CHD7: variants seen among roughly 807,000 people sequenced by gnomAD.
The protein encoded by CHD7 is ATP-dependent chromatin remodeler CHD7.
A neutral mutation model predicts 307.3 loss-of-function variants in CHD7; 24 were observed. That is an observed-to-expected ratio of 0.08 (90% confidence interval 0.06 to 0.11). The LOEUF (loss-of-function observed/expected upper bound fraction) is 0.11, where lower values mean the gene tolerates loss of function less well. Ranked by LOEUF, CHD7 falls within the 10% of genes least tolerant of loss-of-function variation. The pLI, the probability that CHD7 is intolerant of heterozygous loss-of-function variation, is 1.00. For synonymous variants in CHD7, 1,363 were observed against 1,349.9 expected (o/e 1.01, Z -0.21); for missense variants, 3,106 against 3,727.1 (o/e 0.83, Z 4.34).
chr8:60,772,077 C>T (rs1406741962), intron 2 of CHD7, among the ~76,000 whole-genome samples: 2 of 152,194 alleles, frequency 1.3e-5, no homozygotes, highest in Non-Finnish European at 2.9e-5. Flanking sequence ...TCTGCCTCCC[C>T]ACAAGATGTA....
intron 7 of CHD7, among the ~76,000 whole-genome samples, chr8:60,815,034 C>T (rs996510711): frequency 1.3e-5 from 2 of 152,132 alleles, no homozygotes; most frequent in Non-Finnish European, 2.9e-5. Context: ...AGATTTGGAA[C>T]CTGTATTAGC....
Position 60,742,183 on chromosome 8 carries a change from C to G in CHD7, c.751C>G (p.His251Asp), listed in dbSNP as rs753006910. Residue 251 changes from histidine (H) to aspartate (D), a missense_variant, in exon 2 of 38, where the codon CAC becomes GAC. By Grantham distance (81) the His-to-Asp change is moderately conservative (BLOSUM62 -1). This residue lies in a region of CHD7 where 998 missense variants were observed against 1,004.5 expected (regional missense o/e 0.99). Coordinates refer to ENST00000423902, the MANE Select transcript of CHD7 (RefSeq NM_017780.4). Reference protein sequence around the residue: ...QSPSMAPSLRHSVQQFHHHPS... With the variant: ...QSPSMAPSLRDSVQQFHHHPS... Reference sequence around the variant, plus strand: ...TCCCAGCATGGCACCTTCCTTGCGTCACTCGGTGCAGCAGTTCCATCACCA... The same window carrying G: ...TCCCAGCATGGCACCTTCCTTGCGTGACTCGGTGCAGCAGTTCCATCACCA... 6.2e-7 allele frequency: 1 copy of G among 1,613,920 alleles called. No individual in the cohort carries two copies. The highest frequency in any genetic ancestry group is 8.5e-7 in the Non-Finnish European group (1 of 1,179,868).
At chr8:60,710,808 C>A (rs1005501919) in intron 1 of CHD7, among the ~76,000 whole-genome samples, 1 of 152,260 alleles carries the variant, frequency 6.6e-6, no homozygotes, top group Middle Eastern at 3.4e-3. Context: ...ATGGCCAGCT[C>A]CTAGTGTCCT....
chr8:60,789,855 A>C (rs539431074), intron 3 of CHD7, among the ~76,000 whole-genome samples: 78 of 152,336 alleles, frequency 5.1e-4, no homozygotes, highest in African/African-American at 1.6e-3. Context: ...TGCCTAGACT[A>C]TCTCTCCATG....
chr8:60,859,823 G>A lies in CHD7; in HGVS notation c.7609-1081G>A, dbSNP rs144494358. Among the ~76,000 whole-genome samples, 36 of 152,268 alleles carry A rather than the reference G, an allele frequency of 2.4e-4. No individual in the cohort carries two copies. The East Asian group carries it at 6.9e-3, about 29-fold the overall frequency. ...GCCTTGATGCCATTCGGAAGAACTT[G>A]GATTTTGTCCTGGAGGTAATAGGGA... On this transcript the variant is annotated intron_variant, in intron 34 of 37. Transcript: ENST00000423902.
chr8:60,858,472 T>C (rs925947233), intron 34 of CHD7, among the ~76,000 whole-genome samples: 21 of 152,326 alleles, frequency 1.4e-4, no homozygotes, highest in African/African-American at 4.8e-4. Flanking sequence ...CCTTCCTGTT[T>C]GAAACTACTT....
chr8:60,680,606 T>A (rs1446221535), intron 1 of CHD7, among the ~76,000 whole-genome samples: 1 of 152,040 alleles, frequency 6.6e-6, no homozygotes, highest in African/African-American at 2.4e-5. Context: ...AGCGCCCCCG[T>A]GAAGCGAGCG....
intron 7 of CHD7, among the ~76,000 whole-genome samples, chr8:60,809,275 T>G (rs544841771): frequency 6.6e-6 from 1 of 152,294 alleles, no homozygotes; most frequent in Admixed American, 6.5e-5. Flanking sequence ...TGAAATACAG[T>G]CTGACAATTT....
intron 1 of CHD7, among the ~76,000 whole-genome samples, chr8:60,685,409 T>G (rs1805832372): frequency 6.6e-6 from 1 of 152,238 alleles, no homozygotes; most frequent in Non-Finnish European, 1.5e-5. Context: ...CGTAGAATCC[T>G]GTGGTAACCA....
chr8:60,799,592 T>C (rs1265794583), intron 4 of CHD7, among the ~76,000 whole-genome samples: 2 of 152,220 alleles, frequency 1.3e-5, no homozygotes, highest in Non-Finnish European at 2.9e-5. Context: ...TGGCCTGAAA[T>C]ATCTGGGGCA....
chr8:60,753,891 C>G (rs940732484), intron 2 of CHD7, among the ~76,000 whole-genome samples: 6 of 152,046 alleles, frequency 3.9e-5, no homozygotes, highest in Non-Finnish European at 8.8e-5. Context: ...TCCCAAAGTG[C>G]TGGGTTTACA....
chr8:60,740,164 T>C (rs1808920672), intron 1 of CHD7, among the ~76,000 whole-genome samples: 1 of 152,216 alleles, frequency 6.6e-6, no homozygotes, highest in Admixed American at 6.5e-5. Context: ...GCATGTTACA[T>C]AGTGTACACA....
chr8:60,759,439 C>G (rs1810055067), intron 2 of CHD7, among the ~76,000 whole-genome samples: 1 of 151,000 alleles, frequency 6.6e-6, no homozygotes, highest in Non-Finnish European at 1.5e-5. Context: ...CTCTCCCGCT[C>G]TCTGTCTCCC....
chr8:60,828,389 C>CCT (rs1223616057), intron 13 of CHD7, among the ~76,000 whole-genome samples: 1 of 152,074 alleles, frequency 6.6e-6, no homozygotes, highest in African/African-American at 2.4e-5. Context: ...ACTTAAAAAG[C>CCT]CGTGATACTA....
At chr8:60,771,617 G>A (rs1810713262) in intron 2 of CHD7, among the ~76,000 whole-genome samples, 1 of 137,720 alleles carries the variant, frequency 7.3e-6, no homozygotes, top group Non-Finnish European at 1.6e-5. Flanking sequence ...TCCTCTACTC[G>A]AGCCTCACAA....
At chr8:60,780,013 G>A (rs181059909) in intron 2 of CHD7, among the ~76,000 whole-genome samples, 9 of 152,328 alleles carry the variant, frequency 5.9e-5, no homozygotes, top group Admixed American at 6.5e-5. Context: ...AAGCATATGA[G>A]AAAGGCAGGA....
At chr8:60,784,362 G>A (rs757152615) in intron 3 of CHD7, among the ~76,000 whole-genome samples, 1 of 151,858 alleles carries the variant, frequency 6.6e-6, no homozygotes, top group African/African-American at 2.4e-5. Context: ...AAAATAGAGG[G>A]AATAAACAGA....
chr8:60,850,123 A>G (rs1805386995), intron 25 of CHD7, among the ~76,000 whole-genome samples: 1 of 152,142 alleles, frequency 6.6e-6, no homozygotes, highest in Non-Finnish European at 1.5e-5. Flanking sequence ...ATGGGGGTGG[A>G]CTCAGTGCAC....
chr8:60,734,706 G>T (rs2150567456), intron 1 of CHD7, among the ~76,000 whole-genome samples: 1 of 152,282 alleles, frequency 6.6e-6, no homozygotes, highest in East Asian at 1.9e-4. Context: ...TAATGGGGGT[G>T]TTTGTGAGTG....
Sources: allele counts gnomAD v4.1 joint callset (sites outside exome capture counted in the v4.1 genomes callset), GRCh38; gene constraint gnomAD v4.1.1; regional missense constraint gnomAD v4.1.1; transcripts MANE v1.5; gene names NCBI Gene and HGNC (gene_info 2026-07-23, HGNC 2026-07-21).